Variants in ZNF608 observed in about 807,000 individuals in gnomAD.
The protein encoded by ZNF608 is renal carcinoma antigen NY-REN-36.
A neutral mutation model predicts 109.0 loss-of-function variants in ZNF608; 12 were observed. The ratio of observed to expected loss-of-function variants is 0.11; its 90% CI spans 0.07 to 0.18. ZNF608 has a LOEUF of 0.18. Among genes scored for constraint, ZNF608 ranks in the 10% least tolerant of loss-of-function variants. The pLI is 1.00. For missense variants in ZNF608, 1,707 were observed against 1,879.3 expected, an observed-to-expected ratio of 0.91 and a Z score of 1.70; for synonymous variants, 732 against 717.4, an observed-to-expected ratio of 1.02 and a Z score of -0.33.
intron 3 of ZNF608, among the ~76,000 whole-genome samples, chr5:124,697,290 A>T (rs1352762644): frequency 6.6e-6 from 1 of 151,600 alleles, no homozygotes; most frequent in Non-Finnish European, 1.5e-5. Context: ...CACATTCATA[A>T]AGGCTAAAAA....
intron 2 of ZNF608, among the ~76,000 whole-genome samples, chr5:124,726,620 T>C (rs1233847180): frequency 6.7e-6 from 1 of 149,432 alleles, no homozygotes; most frequent in African/African-American, 2.5e-5. Context: ...CTTGCCTCTC[T>C]ACAGTCAATT....
chr5:124,727,608 T>G (rs1748667212), intron 2 of ZNF608, among the ~76,000 whole-genome samples: 1 of 147,462 alleles, frequency 6.8e-6, no homozygotes, highest in Non-Finnish European at 1.5e-5. Context: ...CTTATTGAAC[T>G]TCACTTCTTA....
At chr5:124,644,715 A>G in intron 5 of ZNF608, 54 bp from the exon 6 acceptor site, 1 of 1,459,900 alleles carries the variant, frequency 6.8e-7, no homozygotes, top group Non-Finnish European at 9.2e-7. Context: ...TTAAAATTTC[A>G]ATTTTAAAGA....
rs190461648 is a variant in ZNF608 at position 124,746,596 on chromosome 5, A to G, written c.-585T>C. 9.3e-4 allele frequency: 912 copies of G among 985,440 alleles called. No homozygotes were observed. The highest frequency in any genetic ancestry group is 3.9e-3 in the East Asian group (34 of 8,808). 61.0% of individuals were successfully genotyped at this position (985,440 alleles called of 1,614,324 possible). On this transcript the variant is annotated 5_prime_UTR_variant, in exon 1 of 10. Transcript: ENST00000513986. ...TCCAGACTTCAGAGTCACCGTGATCAGTAATGATCCCATGTAGCAAACCTA... is the reference window on the plus strand; with the variant it reads ...TCCAGACTTCAGAGTCACCGTGATCGGTAATGATCCCATGTAGCAAACCTA...
At chr5:124,682,285 C>T (rs1381341226) in intron 3 of ZNF608, among the ~76,000 whole-genome samples, 6 of 152,236 alleles carry the variant, frequency 3.9e-5, no homozygotes, top group African/African-American at 1.4e-4. Context: ...GTTGGCCAGC[C>T]TGGTCTCAAA....
At chr5:124,678,602 G>A (rs183470397) in intron 3 of ZNF608, among the ~76,000 whole-genome samples, 197 of 152,290 alleles carry the variant, frequency 1.3e-3, no homozygotes, top group African/African-American at 4.6e-3. Context: ...AAAGCCAGGG[G>A]TGTCACTTGC....
At chr5:124,729,557 T>C (rs931984988) in intron 2 of ZNF608, among the ~76,000 whole-genome samples, 7 of 152,368 alleles carry the variant, frequency 4.6e-5, no homozygotes, top group Middle Eastern at 3.4e-3. Context: ...TTGTAGGTTG[T>C]ATTGGTTCGT....
intron 2 of ZNF608, among the ~76,000 whole-genome samples, chr5:124,712,652 C>T (rs957849090): frequency 1.3e-5 from 2 of 152,224 alleles, no homozygotes; most frequent in African/African-American, 2.4e-5. Flanking sequence ...GGAGAAGCCA[C>T]GAGGAGACAG....
intron 3 of ZNF608, among the ~76,000 whole-genome samples, chr5:124,653,244 C>T (rs1347955558): frequency 6.6e-6 from 1 of 152,184 alleles, no homozygotes; most frequent in Non-Finnish European, 1.5e-5. Context: ...GGCCTATTAC[C>T]TACAGAACAT....
chr5:124,709,289 G>A (rs1056951552), intron 2 of ZNF608, among the ~76,000 whole-genome samples: 2 of 151,640 alleles, frequency 1.3e-5, no homozygotes, highest in African/African-American at 4.8e-5. Context: ...CCTATATGCA[G>A]GTCACAAAGC....
chr5:124,744,477 G>T lies in ZNF608; in HGVS notation c.513C>A (p.Ser171Arg). ...GSGNPNSNST[S>R]TSTSAATAGA... ...CCGCGGTGGCGGCAGAGGTGCTGGT[G>T]CTGGTACTATTGCTGTTTGGGTTGC... The change falls in exon 2 of 10, where the codon AGC becomes AGA. Residue 171 changes from serine (S) to arginine (R), a missense_variant. This residue lies in a region of ZNF608 where 407 missense variants were observed against 398.7 expected (regional missense o/e 1.02). Transcript: ENST00000513986. The surrounding 1 kb of genome is among the most constrained non-coding windows in gnomAD (Gnocchi z 4.5). 1 of 1,614,222 alleles carries T rather than the reference G, an allele frequency of 6.2e-7. No homozygotes were observed.
chr5:124,649,501 T>C, intron 4 of ZNF608, 109 bp downstream of exon 4: 1 of 862,286 alleles, frequency 1.2e-6, no homozygotes, highest in Non-Finnish European at 1.8e-6. Flanking sequence ...CATTTCTCCT[T>C]TGCCTGGTTT....
At chr5:124,716,159 A>AG (rs1180037486) in intron 2 of ZNF608, among the ~76,000 whole-genome samples, 12 of 150,208 alleles carry the variant, frequency 8.0e-5, no homozygotes, top group Admixed American at 2.6e-4. Flanking sequence ...AAAAAAAAAA[A>AG]AAAAGAAAAG....
chr5:124,639,676 T>C (rs1407695344), intron 8 of ZNF608, among the ~76,000 whole-genome samples: 1 of 152,186 alleles, frequency 6.6e-6, no homozygotes, highest in Admixed American at 6.5e-5. Flanking sequence ...ACAGAATCAG[T>C]AAATCAAACT....
chr5:124,664,936 G>C (rs1199662423), intron 3 of ZNF608, among the ~76,000 whole-genome samples: 1 of 152,156 alleles, frequency 6.6e-6, no homozygotes, highest in Non-Finnish European at 1.5e-5. Flanking sequence ...AGCACTTTGG[G>C]AGGCTGAGGT....
At chr5:124,748,538 G>C, upstream of ZNF608, 2 of 985,370 alleles carry the variant, frequency 2.0e-6, no homozygotes, top group Non-Finnish European at 2.4e-6. Flanking sequence ...CTTACGGTCT[G>C]TATTGGATCG....
intron 3 of ZNF608, among the ~76,000 whole-genome samples, chr5:124,690,834 A>C (rs1188605998): frequency 6.6e-6 from 1 of 152,162 alleles, no homozygotes; most frequent in Admixed American, 6.5e-5. Flanking sequence ...TGAACAGAGT[A>C]AAAGGAAAAA....
intron 3 of ZNF608, among the ~76,000 whole-genome samples, chr5:124,651,973 G>C (rs1472374071): frequency 6.6e-6 from 1 of 152,258 alleles, no homozygotes; most frequent in African/African-American, 2.4e-5. Context: ...GCTTCGGTCT[G>C]CGTGACCGTG....
intron 2 of ZNF608, among the ~76,000 whole-genome samples, chr5:124,724,793 A>G (rs955265379): frequency 6.6e-6 from 1 of 152,202 alleles, no homozygotes; most frequent in Non-Finnish European, 1.5e-5. Context: ...ACACGGGGTA[A>G]CATCATCTCC....
Sources: gnomAD v4.1 joint callset for allele counts (sites outside exome capture counted in the v4.1 genomes callset) on GRCh38, gnomAD v4.1.1 for gene constraint, gnomAD v4.1.1 regional missense constraint, Gnocchi (gnomAD v3.1) non-coding constraint, MANE v1.5 for transcripts, NCBI Gene and HGNC (gene_info 2026-07-23, HGNC 2026-07-21) for gene names.